SPAG9: variants seen among roughly 807,000 people sequenced by gnomAD.
The protein encoded by SPAG9 is sperm associated antigen 9, also known as C-Jun-amino-terminal kinase-interacting protein 4.
Under a neutral mutation model 166.5 loss-of-function variants are expected in SPAG9, and 35 were observed. The ratio of observed to expected loss-of-function variants is 0.21; its 90% CI spans 0.16 to 0.28. SPAG9 has a LOEUF of 0.28. SPAG9 is among the 10% of genes least tolerant of loss of function. The pLI is 1.00. For missense variants in SPAG9, 1,235 were observed against 1,603.3 expected, an observed-to-expected ratio of 0.77 and a Z score of 3.92; for synonymous variants, 534 against 565.5, an observed-to-expected ratio of 0.94 and a Z score of 0.79.
At chr17:51,096,038 G>GATATATATATATATAGTGATAT (rs377753534) in intron 1 of SPAG9, among the ~76,000 whole-genome samples, 5 of 92,632 alleles carry the variant, frequency 5.4e-5, no homozygotes, top group African/African-American at 2.9e-4. Context: ...TATATATAGT[G>GATATATATATATATAGTGATAT]ATATATATAT....
At chr17:51,032,535 C>CT (rs1568022182) in intron 5 of SPAG9, among the ~76,000 whole-genome samples, 8 of 152,090 alleles carry the variant, frequency 5.3e-5, no homozygotes, top group African/African-American at 1.7e-4. Context: ...CTCTATGAGA[C>CT]GGATGTGTTT....
At chr17:50,981,221 T>C (rs1025537095) in intron 25 of SPAG9, among the ~76,000 whole-genome samples, 7 of 152,134 alleles carry the variant, frequency 4.6e-5, no homozygotes, top group Non-Finnish European at 7.3e-5. Flanking sequence ...TTTTCACTGT[T>C]ATAAAGTATA....
intron 2 of SPAG9, among the ~76,000 whole-genome samples, chr17:51,067,431 A>T (rs2047704074): frequency 6.6e-6 from 1 of 152,218 alleles, no homozygotes; most frequent in Non-Finnish European, 1.5e-5. Context: ...CAAGGACTAT[A>T]GACATCCTCG....
At chr17:51,086,489 T>TA (rs554092261) in intron 1 of SPAG9, among the ~76,000 whole-genome samples, 2,730 of 134,098 alleles carry the variant, frequency 0.02, 86 homozygotes, top group South Asian at 0.18. Context: ...GAAAACACGA[T>TA]AAAAAAAAAA....
intron 8 of SPAG9, among the ~76,000 whole-genome samples, chr17:51,018,142 A>T (rs956462803): frequency 1.3e-5 from 2 of 151,874 alleles, no homozygotes; most frequent in Non-Finnish European, 2.9e-5. Flanking sequence ...TCAGGAGTTC[A>T]AAGTTCAAGA....
Position 51,017,400 on chromosome 17 carries a change from T to C in SPAG9, c.1091+2759A>G, listed in dbSNP as rs188335695. On this transcript the variant is annotated intron_variant, in intron 8 of 29. Transcript: ENST00000262013. ...AGAGAGAGCTAAGAAGTGATAGAGT[T>C]GTGCACCCTTTACCCAGAAAGCTAG... Among the ~76,000 whole-genome samples the C allele has an allele frequency of 3.8e-3, 580 of 152,248 alleles. 2 individuals carry two copies. The highest frequency in any genetic ancestry group is 0.01 in the Middle Eastern group (3 of 294).
chr17:51,003,522 C>T (rs559858579), intron 12 of SPAG9, among the ~76,000 whole-genome samples: 15 of 152,094 alleles, frequency 9.9e-5, no homozygotes, highest in Non-Finnish European at 1.6e-4. Flanking sequence ...CTATAAGAGT[C>T]GCTAAAATAC....
At chr17:51,046,272 T>A (rs1169707746) in intron 4 of SPAG9, among the ~76,000 whole-genome samples, 1 of 152,190 alleles carries the variant, frequency 6.6e-6, no homozygotes, top group Non-Finnish European at 1.5e-5. Flanking sequence ...TGTACTTGTG[T>A]GTAAGTACAA....
At position 51,120,347 on chromosome 17, in the gene SPAG9, G is replaced by A. The variant is rs1057301440; in HGVS notation, c.303+7C>T. The A allele has an allele frequency of 4.5e-6, 7 of 1,565,266 alleles. No homozygotes were observed. Among genetic ancestry groups the A allele is most frequent in the Middle Eastern group, 1.9e-4 (1 of 5,366 alleles). The stretch of plus-strand genomic sequence containing the variant: ...TCCCGCGGCCCCCGCCCTGCCGCCG[G>A]CCTCACCTCCTCAGCGTGCTTGCGC... On this transcript the variant is annotated splice_region_variant and intron_variant, in intron 1 of 29. Transcript: ENST00000262013. This position sits in a 1 kb window ranked among gnomAD's most constrained non-coding sequence, Gnocchi z 4.7.
chr17:51,113,682 A>G (rs1168151518), intron 1 of SPAG9, among the ~76,000 whole-genome samples: 1 of 149,388 alleles, frequency 6.7e-6, no homozygotes, highest in Non-Finnish European at 1.5e-5. Context: ...CCCATCTCAA[A>G]AAAAAAAAAA....
At chr17:51,077,009 G>GCTAGCTATCTAGCTATCTATCTAGCTAT (rs1555655257) in intron 2 of SPAG9, among the ~76,000 whole-genome samples, 2 of 69,452 alleles carry the variant, frequency 2.9e-5, no homozygotes, top group African/African-American at 7.2e-5. Context: ...TATCTAGCTA[G>GCTAGCTATCTAGCTATCTATCTAGCTAT]CTAGCTAGCT....
At position 50,998,314 on chromosome 17, in the gene SPAG9, G is replaced by A. The variant is rs2044769107; in HGVS notation, c.1838+130C>T. On this transcript the variant is annotated intron_variant, in intron 15 of 29. Coordinates refer to ENST00000262013, the MANE Select transcript of SPAG9 (RefSeq NM_001130528.3). ...CAAAGTGCTGGGATTACAGGTGTGA[G>A]CCACCGTGCCTGGCCCAGAAATGAT... 14 of 788,924 alleles carry A rather than the reference G, an allele frequency of 1.8e-5. No homozygotes were observed. The South Asian group carries it at 2.8e-4, about 16-fold the overall frequency. 48.9% of individuals were successfully genotyped at this position (788,924 alleles called of 1,614,324 possible).
intron 24 of SPAG9, among the ~76,000 whole-genome samples, chr17:50,984,077 G>C (rs949538971): frequency 6.6e-6 from 1 of 152,100 alleles, no homozygotes; most frequent in Non-Finnish European, 1.5e-5. Context: ...AGAAAATGAT[G>C]TATCATTTTT....
chr17:50,988,032 A>G (rs1279863549), intron 21 of SPAG9, among the ~76,000 whole-genome samples: 1 of 152,190 alleles, frequency 6.6e-6, no homozygotes, highest in South Asian at 2.1e-4. Flanking sequence ...CCTAGCCAAC[A>G]TGATAAAACC....
chr17:51,108,483 ATT>A, intron 1 of SPAG9, among the ~76,000 whole-genome samples: 1 of 152,022 alleles, frequency 6.6e-6, no homozygotes, highest in East Asian at 1.9e-4. Context: ...GGGAAAAATA[ATT>A]TGTTTTCTTT....
At chr17:51,101,925 T>C (rs1325151449) in intron 1 of SPAG9, among the ~76,000 whole-genome samples, 1 of 152,134 alleles carries the variant, frequency 6.6e-6, no homozygotes, top group African/African-American at 2.4e-5. Context: ...GCGCCTGGCC[T>C]ATACCATAAT....
intron 15 of SPAG9, among the ~76,000 whole-genome samples, chr17:50,997,645 A>G (rs1330624047): frequency 6.6e-6 from 1 of 152,220 alleles, no homozygotes; most frequent in Admixed American, 6.5e-5. Context: ...CCTATATGTC[A>G]GATACTTTAC....
chr17:51,047,028 C>G, intron 4 of SPAG9: 1 of 1,058,750 alleles, frequency 9.4e-7, no homozygotes. Context: ...TCAAACATGC[C>G]TCTCTGTAAC....
chr17:51,074,047 T>G (rs1212226160), intron 2 of SPAG9, among the ~76,000 whole-genome samples: 1 of 151,016 alleles, frequency 6.6e-6, no homozygotes, highest in Non-Finnish European at 1.5e-5. Context: ...CCATCATGGC[T>G]AACACGGTGA....
Sources: allele counts gnomAD v4.1 joint callset (sites outside exome capture counted in the v4.1 genomes callset), GRCh38; gene constraint gnomAD v4.1.1; non-coding constraint Gnocchi (gnomAD v3.1); transcripts MANE v1.5; gene names NCBI Gene and HGNC (gene_info 2026-07-23, HGNC 2026-07-21).